The following CDKAL1 variants were observed in gnomAD, a reference collection of about 807,000 sequenced individuals.
CDKAL1 encodes the protein CDKAL1 threonylcarbamoyladenosine tRNA methylthiotransferase, also known as threonylcarbamoyladenosine tRNA methylthiotransferase.
Under a neutral mutation model 68.2 loss-of-function variants are expected in CDKAL1, and 32 were observed. The ratio of observed to expected loss-of-function variants is 0.47; its 90% CI spans 0.35 to 0.63. The LOEUF (loss-of-function observed/expected upper bound fraction) is 0.63, where lower values mean the gene tolerates loss of function less well. Among genes scored for constraint, CDKAL1 ranks in the 30% least tolerant of loss-of-function variants. The pLI is 0.00. For missense variants in CDKAL1, 606 were observed against 696.7 expected, an observed-to-expected ratio of 0.87 and a Z score of 1.47; for synonymous variants, 234 against 244.3, an observed-to-expected ratio of 0.96 and a Z score of 0.39.
rs1199913455 is a variant in CDKAL1, at chr6:21,201,210, C to G, written c.1484C>G (p.Ala495Gly). The change falls in exon 15 of 16, where the codon GCC becomes GGC. Residue 495 changes from alanine (A) to glycine (G), a missense_variant. Physicochemically the swap from Ala to Gly is moderately conservative, Grantham distance 60. Coordinates refer to ENST00000274695, the MANE Select transcript of CDKAL1 (RefSeq NM_017774.3). Reference sequence around the variant, plus strand: ...ATGAAAGGGCAGCCAGTATCTGATGCCAAAGTGTACACGCCCTCCATCAGC... The same window carrying G: ...ATGAAAGGGCAGCCAGTATCTGATGGCAAAGTGTACACGCCCTCCATCAGC... ...HFMKGQPVSD[A>G]KVYTPSISKP... is the part of the protein sequence containing the mutation. 1.9e-6 allele frequency: 3 copies of G among 1,613,828 alleles called. No homozygotes were observed. The highest frequency in any genetic ancestry group is 2.5e-6 in the Non-Finnish European group (3 of 1,179,790).
chr6:20,798,001 A>C (rs1776186479), intron 8 of CDKAL1, among the ~76,000 whole-genome samples: 1 of 151,564 alleles, frequency 6.6e-6, no homozygotes, highest in East Asian at 1.9e-4. Context: ...TTTTTTGTAG[A>C]GATGGGGTTT....
chr6:20,793,584 G>A (rs893477482), intron 8 of CDKAL1, among the ~76,000 whole-genome samples: 3 of 151,806 alleles, frequency 2.0e-5, no homozygotes, highest in African/African-American at 7.3e-5. Context: ...TCAAATGATT[G>A]TTTATCAAAT....
chr6:20,862,700 C>T (rs543456367), intron 9 of CDKAL1, among the ~76,000 whole-genome samples: 21 of 152,156 alleles, frequency 1.4e-4, no homozygotes, highest in African/African-American at 5.1e-4. Context: ...TACCCATATA[C>T]TCTCACATAG....
chr6:21,176,687 T>G (rs924539471), intron 13 of CDKAL1, among the ~76,000 whole-genome samples: 3 of 133,958 alleles, frequency 2.2e-5, no homozygotes, highest in Admixed American at 2.2e-4. Context: ...TGTTGGTTTT[T>G]TTTTTTTTGT....
intron 10 of CDKAL1, among the ~76,000 whole-genome samples, chr6:20,989,337 T>G (rs1451417620): frequency 6.6e-6 from 1 of 152,184 alleles, no homozygotes; most frequent in Non-Finnish European, 1.5e-5. Flanking sequence ...TTAGTAAGTA[T>G]TTGCTTAGCT....
At chr6:20,638,529 C>T (rs1378776690) in intron 4 of CDKAL1, among the ~76,000 whole-genome samples, 3 of 151,918 alleles carry the variant, frequency 2.0e-5, no homozygotes, top group Non-Finnish European at 4.4e-5. Context: ...TCGTGAAGGG[C>T]CCTGGAAAGT....
chr6:20,625,321 G>C (rs2127736770), intron 4 of CDKAL1, among the ~76,000 whole-genome samples: 1 of 152,120 alleles, frequency 6.6e-6, no homozygotes, highest in South Asian at 2.1e-4. Flanking sequence ...AAAGCCTTTA[G>C]AGAAAAATGT....
At chr6:20,694,694 T>G (rs1276160617) in intron 5 of CDKAL1, among the ~76,000 whole-genome samples, 1 of 152,142 alleles carries the variant, frequency 6.6e-6, no homozygotes, top group African/African-American at 2.4e-5. Context: ...GCTTTCCCCC[T>G]CAGTGAAAAA....
chr6:20,696,430 T>G (rs1240556178), intron 5 of CDKAL1, among the ~76,000 whole-genome samples: 1 of 152,170 alleles, frequency 6.6e-6, no homozygotes, highest in South Asian at 2.1e-4. Context: ...GGAAATGAAA[T>G]CCATTCTTTA....
At chr6:20,752,025 T>A (rs1207435220) in intron 6 of CDKAL1, among the ~76,000 whole-genome samples, 1 of 151,980 alleles carries the variant, frequency 6.6e-6, no homozygotes. Context: ...TTTCTCTGCC[T>A]CCCACCCTTC....
chr6:20,583,153 C>T (rs1765204873), intron 4 of CDKAL1, among the ~76,000 whole-genome samples: 1 of 152,088 alleles, frequency 6.6e-6, no homozygotes, highest in South Asian at 2.1e-4. Flanking sequence ...TAGATAGGTT[C>T]TATTTAACCC....
intron 13 of CDKAL1, among the ~76,000 whole-genome samples, chr6:21,142,252 G>A (rs1184005308): frequency 2.0e-5 from 3 of 151,502 alleles, no homozygotes; most frequent in Admixed American, 1.3e-4. Context: ...GGTAGAACAG[G>A]GTCCTCTCTG....
chr6:20,781,863 A>T (rs1322386446), intron 8 of CDKAL1, among the ~76,000 whole-genome samples: 3 of 152,198 alleles, frequency 2.0e-5, no homozygotes, highest in Non-Finnish European at 4.4e-5. Flanking sequence ...AGTCCATCAG[A>T]AAAAGAAACA....
rs187303842 is a variant in CDKAL1, at chr6:21,073,092, A to T, written c.1236+7864A>T. Among the ~76,000 whole-genome samples the T allele has an allele frequency of 8.5e-5, 13 of 152,232 alleles. No homozygotes were observed. The East Asian group carries it at 2.5e-3, about 29-fold the overall frequency. On this transcript the variant is annotated intron_variant, in intron 12 of 15. Coordinates refer to ENST00000274695, the MANE Select transcript of CDKAL1 (RefSeq NM_017774.3). ...GAAACATGGAGTGTGTAGACTTTTC[A>T]GATTGGCTTTTTTTGCTTAGTAATA...
intron 5 of CDKAL1, among the ~76,000 whole-genome samples, chr6:20,707,363 A>C (rs990546501): frequency 6.6e-6 from 1 of 152,230 alleles, no homozygotes; most frequent in African/African-American, 2.4e-5. Flanking sequence ...GTAAGAAAAC[A>C]AATCCTTTTA....
intron 4 of CDKAL1, among the ~76,000 whole-genome samples, chr6:20,554,358 C>CT (rs1453109822): frequency 1.3e-5 from 2 of 152,278 alleles, no homozygotes; most frequent in East Asian, 3.9e-4. Flanking sequence ...ATAGATTAAA[C>CT]TTTTTTTCCA....
chr6:21,111,544 C>T (rs1253170120), intron 13 of CDKAL1, among the ~76,000 whole-genome samples: 5 of 152,182 alleles, frequency 3.3e-5, no homozygotes, highest in Non-Finnish European at 7.3e-5. Context: ...GTTAAACAAA[C>T]GTGTTGTTTG....
chr6:20,985,256 G>A (rs1766392266), intron 10 of CDKAL1, among the ~76,000 whole-genome samples: 2 of 152,066 alleles, frequency 1.3e-5, no homozygotes, highest in Non-Finnish European at 2.9e-5. Context: ...CTCTCTTCTA[G>A]CTATTTTGTA....
In CDKAL1 at chr6:20,926,887, T is replaced by TA. The variant is rs1554141500; in HGVS notation, c.743-28532_743-28531insA. On this transcript the variant is annotated intron_variant, in intron 9 of 15. Coordinates refer to ENST00000274695, the MANE Select transcript of CDKAL1 (RefSeq NM_017774.3). ...AATATACCAAGATGTTTCTATATATTTATATATATATGTTTATGTATATTT... is the reference window on the plus strand; with the variant it reads ...AATATACCAAGATGTTTCTATATATTATATATATATATGTTTATGTATATTT... 6.6e-4 allele frequency among the ~76,000 whole-genome samples: 97 copies of TA among 146,860 alleles called. 1 individual carries two copies. Among genetic ancestry groups the TA allele is most frequent in the Non-Finnish European group, 1.2e-3 (83 of 66,952 alleles).
Sources: allele counts gnomAD v4.1 joint callset (sites outside exome capture counted in the v4.1 genomes callset), GRCh38; gene constraint gnomAD v4.1.1; transcripts MANE v1.5; gene names NCBI Gene and HGNC (gene_info 2026-07-23, HGNC 2026-07-21).